Variants in MAP7D2 observed in about 807,000 individuals in gnomAD.
MAP7D2 encodes MAP7 domain-containing protein 2.
A neutral mutation model predicts 63.5 loss-of-function variants in MAP7D2; 33 were observed. The observed-to-expected ratio is 0.52, with a 90% confidence interval of 0.39 to 0.70. MAP7D2 has a LOEUF of 0.70. Among genes scored for constraint, MAP7D2 ranks in the 30% least tolerant of loss-of-function variants. MAP7D2 has a pLI of 0.00. For synonymous variants in MAP7D2, 224 were observed against 223.7 expected (o/e 1.00, Z -0.01); for missense variants, 626 against 604.0 (o/e 1.04, Z -0.38).
At chrX:20,068,073 GTCTCTT>G (rs1569108819) in intron 1 of MAP7D2, among the ~76,000 whole-genome samples, 1 of 112,360 alleles carries the variant, frequency 8.9e-6, no homozygotes. Flanking sequence ...ATGCATGGCC[GTCTCTT>G]TCTTTTTTAA....
Position 20,116,894 on chromosome X carries a change from C to G in MAP7D2, c.-15G>C. On this transcript the variant is annotated 5_prime_UTR_variant, in exon 1 of 17. Transcript: ENST00000379643. ...CCGCGCTCCATCGGGATGCGCCGGC[C>G]GCACAGGCGCACTGCCAAGCCCGCC... The G allele has an allele frequency of 9.2e-7, 1 of 1,086,518 alleles. No homozygotes were observed. The highest frequency in any genetic ancestry group is 2.5e-5 in the South Asian group (1 of 40,731). The allele number at this position is 1,086,518 out of a possible 1,213,427, so 89.5% of individuals were successfully genotyped here.
rs982674804 is a variant in MAP7D2, at chrX:20,033,744, C to T, written c.1008-7792G>A. On this transcript the variant is annotated intron_variant, in intron 8 of 16. Transcript: ENST00000379643. ...CTAATTAAGCCCCTTTTCAAAGCCA[C>T]ATCATTTCCAGTGCGTTTTAAAAAT... Among the ~76,000 whole-genome samples, 4 of 111,560 alleles carry T rather than the reference C, an allele frequency of 3.6e-5. No individual in the cohort carries two copies. The Admixed American group carries it at 3.8e-4, about 11-fold the overall frequency.
At chrX:20,063,006 G>A (rs1337066782) in intron 3 of MAP7D2, among the ~76,000 whole-genome samples, 1 of 109,313 alleles carries the variant, frequency 9.1e-6, no homozygotes, top group Non-Finnish European at 1.9e-5. Flanking sequence ...TCACCCAGCC[G>A]CTACCCACAA....
At chrX:20,052,780 C>T (rs1342508116) in intron 5 of MAP7D2, 98 bp downstream of exon 5, 18 of 652,913 alleles carry the variant, frequency 2.8e-5, no homozygotes, top group Non-Finnish European at 4.2e-5. Context: ...ACGGTATCTG[C>T]AGAAGGCTCA....
At chrX:20,082,127 C>G (rs1280413943) in intron 1 of MAP7D2, among the ~76,000 whole-genome samples, 1 of 112,169 alleles carries the variant, frequency 8.9e-6, no homozygotes, top group Non-Finnish European at 1.9e-5. Flanking sequence ...TGCAAGTCAT[C>G]AGGGTAGTGC....
chrX:20,100,915 G>A (rs1362727196), intron 1 of MAP7D2, among the ~76,000 whole-genome samples: 1 of 110,062 alleles, frequency 9.1e-6, no homozygotes, highest in Non-Finnish European at 1.9e-5. Flanking sequence ...CAACCACTCA[G>A]GAGGCTGAGG....
At position 20,095,595 on chromosome X, in the gene MAP7D2, C is replaced by G. The variant is rs775335135; in HGVS notation, c.130+21155G>C. 7.9e-4 allele frequency among the ~76,000 whole-genome samples: 87 copies of G among 110,689 alleles called. 1 individual carries two copies. The highest frequency in any genetic ancestry group is 2.8e-3 in the African/African-American group (86 of 30,441). On this transcript the variant is annotated intron_variant, in intron 1 of 16. Coordinates refer to ENST00000379643, the MANE Select transcript of MAP7D2 (RefSeq NM_001168465.2). The stretch of plus-strand genomic sequence containing the variant: ...GTCAAACATAGCATTTCTATATGAT[C>G]CAGTAATTCCACTTTTGGGTATATA...
At chrX:20,073,874 C>T (rs1365406728) in intron 1 of MAP7D2, among the ~76,000 whole-genome samples, 3 of 103,067 alleles carry the variant, frequency 2.9e-5, no homozygotes, top group Non-Finnish European at 4.0e-5. Context: ...CGGTGGCTCA[C>T]GCCTGTAATC....
chrX:20,063,078 T>TA (rs1357163893), intron 3 of MAP7D2, among the ~76,000 whole-genome samples: 5 of 110,493 alleles, frequency 4.5e-5, no homozygotes, highest in Admixed American at 9.6e-5. Context: ...CTTTGAGTCT[T>TA]AGAGTCAGAA....
chrX:20,108,890 T>C (rs2066648527), intron 1 of MAP7D2, among the ~76,000 whole-genome samples: 1 of 110,523 alleles, frequency 9.0e-6, no homozygotes, highest in Non-Finnish European at 1.9e-5. Flanking sequence ...AGGAAGCCGA[T>C]TAAGGGTATC....
intron 1 of MAP7D2, among the ~76,000 whole-genome samples, chrX:20,081,654 A>AT (rs1282695162): frequency 0.033 from 3,108 of 95,200 alleles, 118 homozygotes; most frequent in African/African-American, 0.1. Context: ...ATCAGATCTG[A>AT]TTTTTTTTTT....
intron 1 of MAP7D2, among the ~76,000 whole-genome samples, chrX:20,102,022 G>C (rs368653963): frequency 2.1e-4 from 24 of 112,307 alleles, no homozygotes; most frequent in East Asian, 1.4e-3. Context: ...ATAGTGAAAA[G>C]AGGTGAGAAC....
At chrX:20,028,169 C>A (rs1284859806) in intron 8 of MAP7D2, among the ~76,000 whole-genome samples, 1 of 111,677 alleles carries the variant, frequency 9.0e-6, no homozygotes. Flanking sequence ...TTATCATGGC[C>A]TCTTTACAGA....
chrX:20,011,726 G>A (rs1324751414), intron 15 of MAP7D2, among the ~76,000 whole-genome samples: 2 of 112,495 alleles, frequency 1.8e-5, no homozygotes, highest in Non-Finnish European at 3.8e-5. Context: ...CCTCTCTAAA[G>A]TGAGGCTTCC....
intron 16 of MAP7D2, among the ~76,000 whole-genome samples, chrX:20,009,401 C>T (rs949172406): frequency 9.9e-5 from 11 of 111,521 alleles, no homozygotes; most frequent in South Asian, 3.8e-4. Flanking sequence ...CGGTGGCTCA[C>T]GCCTGTAATC....
intron 1 of MAP7D2, among the ~76,000 whole-genome samples, chrX:20,080,590 T>G (rs760893200): frequency 6.4e-4 from 71 of 110,811 alleles, no homozygotes; most frequent in Non-Finnish European, 8.3e-4. Context: ...GAGTCTCACC[T>G]GATAAAGGGC....
Position 20,016,309 on chromosome X carries a change from A to G in MAP7D2, c.1429T>C (p.Leu477=), listed in dbSNP as rs769178855. The change falls in exon 11 of 17, where the codon TTG becomes CTG. Residue 477 remains leucine, a synonymous_variant. Transcript: ENST00000379643. The part of the protein sequence containing the change: ...EEQDRLEREE[L]KRKAEEERLR... ...CTTTCCTCCTCTGCCTTTCTTTTCA[A>G]TTCCTCTCTCTCCAGCCTTTTGAGA... 29 of 1,206,823 alleles carry G rather than the reference A, an allele frequency of 2.4e-5. No individual in the cohort carries two copies. The highest frequency in any genetic ancestry group is 2.9e-5 in the Non-Finnish European group (26 of 894,076).
At chrX:20,018,757 T>C (rs1433855734) in intron 10 of MAP7D2, among the ~76,000 whole-genome samples, 1 of 110,899 alleles carries the variant, frequency 9.0e-6, no homozygotes, top group Non-Finnish European at 1.9e-5. Flanking sequence ...CATCCTCTTA[T>C]ATACCAAGTT....
rs184519729 is a variant in MAP7D2, at chrX:20,093,711, G to A, written c.130+23039C>T. On this transcript the variant is annotated intron_variant, in intron 1 of 16. Transcript: ENST00000379643. The stretch of plus-strand genomic sequence containing the variant: ...AACCATTAAACAAGAATGCAAGAAC[G>A]CTGGTCAAAAATCTATAGAGACTGA... Among the ~76,000 whole-genome samples the A allele has an allele frequency of 3.6e-5, 4 of 111,297 alleles. No homozygotes were observed. The Admixed American group carries it at 3.8e-4, about 11-fold the overall frequency.
Sources: gnomAD v4.1 joint callset for allele counts (sites outside exome capture counted in the v4.1 genomes callset) on GRCh38, gnomAD v4.1.1 for gene constraint, MANE v1.5 for transcripts, NCBI Gene and HGNC (gene_info 2026-07-23, HGNC 2026-07-21) for gene names.